The following HACD1 variants were observed in gnomAD, a reference collection of about 807,000 sequenced individuals.
HACD1 encodes 3-hydroxyacyl-CoA dehydratase 1.
In HACD1, 41 loss-of-function variants were observed where a neutral mutation model predicts 32.0. That is an observed-to-expected ratio of 1.28 (90% CI 1.00 to 1.66). The LOEUF is 1.66. Among genes scored for constraint, HACD1 ranks in the 40% most tolerant of loss-of-function variants. The pLI is 0.00. For synonymous variants in HACD1, 142 were observed against 139.0 expected (o/e 1.02, Z -0.15); for missense variants, 396 against 380.1 (o/e 1.04, Z -0.35).
intron 1 of HACD1, among the ~76,000 whole-genome samples, chr10:17,609,161 T>TG (rs1554817278): frequency 6.6e-6 from 1 of 150,552 alleles, no homozygotes; most frequent in African/African-American, 2.5e-5. Context: ...AAAGGTTTTT[T>TG]TTTTTTTTTT....
chr10:17,593,609 C>A (rs1278255425), intron 6 of HACD1, among the ~76,000 whole-genome samples: 2 of 152,228 alleles, frequency 1.3e-5, no homozygotes, highest in African/African-American at 2.4e-5. Flanking sequence ...GCCACGGAGC[C>A]CTGCCTCACT....
intron 4 of HACD1, 81 bp downstream of exon 4, chr10:17,603,479 T>C: frequency 1.5e-6 from 2 of 1,306,194 alleles, no homozygotes; most frequent in East Asian, 2.4e-5. Context: ...TCCTGAAATA[T>C]ACAAATGTTA....
intron 5 of HACD1, among the ~76,000 whole-genome samples, chr10:17,594,854 T>A (rs1833974822): frequency 6.6e-6 from 1 of 150,548 alleles, no homozygotes; most frequent in South Asian, 2.1e-4. Flanking sequence ...GGTGTTTTTT[T>A]TTTTTGTTTT....
At chr10:17,591,976 A>AAT (rs1833933560) in intron 6 of HACD1, among the ~76,000 whole-genome samples, 5 of 96,942 alleles carry the variant, frequency 5.2e-5, no homozygotes, top group African/African-American at 2.2e-4. Flanking sequence ...CCAGCTACTG[A>AAT]TTTTTTTTTT....
Position 17,594,225 on chromosome 10 carries a change from G to T in HACD1, c.764C>A (p.Thr255Asn), listed in dbSNP as rs782520907. The T allele has an allele frequency of 8.9e-6, 14 of 1,572,866 alleles. No homozygotes were observed. The Admixed American group carries it at 2.5e-4, about 28-fold the overall frequency. Residue 255 changes from threonine to asparagine, a missense_variant, in exon 6 of 7, where the codon ACC becomes AAC. Transcript: ENST00000361271. The part of the protein sequence containing the change: ...SFDYYYFLLI[T>N]MASYIPLFPQ... Reference sequence around the variant, plus strand: ...CTTACAAGGTATATATGATGCCATGGTTATAAGAAGAAAATAATAGTAGTC... The same window carrying T: ...CTTACAAGGTATATATGATGCCATGTTTATAAGAAGAAAATAATAGTAGTC...
intron 6 of HACD1, among the ~76,000 whole-genome samples, chr10:17,592,442 G>T (rs569376163): frequency 3.3e-5 from 5 of 152,210 alleles, no homozygotes; most frequent in Admixed American, 2.6e-4. Context: ...CATTAAGAAT[G>T]CAGGGGGAGG....
intron 1 of HACD1, among the ~76,000 whole-genome samples, chr10:17,608,109 C>A (rs1475834961): frequency 6.6e-6 from 1 of 152,010 alleles, no homozygotes; most frequent in Non-Finnish European, 1.5e-5. Flanking sequence ...TCCCAGGCTT[C>A]AGCAATCTTC....
chr10:17,593,435 C>A (rs1444595883), intron 6 of HACD1, among the ~76,000 whole-genome samples: 1 of 152,114 alleles, frequency 6.6e-6, no homozygotes, highest in African/African-American at 2.4e-5. Context: ...CCTGCCTCAG[C>A]CTCCTGAGTA....
At position 17,589,364 on chromosome 10, in the gene HACD1, C is replaced by T. The variant is rs934168220; in HGVS notation, c.*1000G>A. On this transcript the variant is annotated 3_prime_UTR_variant, in exon 7 of 7. Transcript: ENST00000361271. Reference sequence around the variant, plus strand: ...GTGGTACCATCATAGCTCATTGTAACCTTGAATTCCTGGGCTCAAGTGATC... The same window carrying T: ...GTGGTACCATCATAGCTCATTGTAATCTTGAATTCCTGGGCTCAAGTGATC... The T allele has an allele frequency of 2.4e-4, 36 of 152,270 alleles. No individual in the cohort carries two copies. The highest frequency in any genetic ancestry group is 8.2e-4 in the African/African-American group (34 of 41,538). 9.4% of individuals were successfully genotyped at this position (152,270 alleles called of 1,614,324 possible).
intron 1 of HACD1, among the ~76,000 whole-genome samples, chr10:17,609,364 A>G (rs1397277191): frequency 1.3e-5 from 2 of 152,044 alleles, no homozygotes; most frequent in African/African-American, 4.8e-5. Context: ...CGTGTTAGCC[A>G]GAATGGTCTC....
rs782263866 is a variant in HACD1, at chr10:17,590,431, T to C, written c.800A>G (p.Tyr267Cys). Reference protein sequence around the residue: ...ASYIPLFPQLYFHMLRQRRKV... With the variant: ...ASYIPLFPQLCFHMLRQRRKV... ...TCTTCTTTGACGTAACATATGAAAA[T>C]AGAGTTGTGGAAACACTTCATTGAA... Residue 267 changes from tyrosine to cysteine, a missense_variant, in exon 7 of 7, where the codon TAT (tyrosine) becomes TGT (cysteine). Physicochemically the swap from Tyr to Cys is radical, Grantham distance 194 (BLOSUM62 -2). Transcript: ENST00000361271. 19 of 1,593,226 alleles carry C rather than the reference T, an allele frequency of 1.2e-5. No individual in the cohort carries two copies. Among genetic ancestry groups the C allele is most frequent in the Admixed American group, 5.2e-5 (3 of 57,866 alleles).
intron 4 of HACD1, among the ~76,000 whole-genome samples, chr10:17,600,778 T>A (rs1834058607): frequency 6.6e-6 from 1 of 152,338 alleles, no homozygotes; most frequent in Non-Finnish European, 1.5e-5. Context: ...TACGTCAGAC[T>A]AAGTCCTTAG....
intron 1 of HACD1, among the ~76,000 whole-genome samples, chr10:17,609,231 T>C (rs1834193851): frequency 6.7e-6 from 1 of 149,254 alleles, no homozygotes; most frequent in Admixed American, 6.8e-5. Flanking sequence ...CTCGGCTCAC[T>C]GCAAGCTCCA....
rs1564508587 is a variant in HACD1 at position 17,604,048 on chromosome 10, C to CT, written c.258-2dup. On this transcript the variant is annotated splice_acceptor_variant, in intron 1 of 6. Transcript: ENST00000361271. LOFTEE classifies it high-confidence loss of function. ...CATGGCAATAGCTAGAACCAACCAC[C>CT]TAAAAAAAAAAAGTATTTCATAAAG... 6.5e-7 allele frequency: 1 copy of CT among 1,533,874 alleles called. No homozygotes were observed. The highest frequency in any genetic ancestry group is 2.3e-5 in the East Asian group (1 of 44,014).
chr10:17,591,976 A>AT (rs71393019), intron 6 of HACD1, among the ~76,000 whole-genome samples: 7,796 of 96,436 alleles, frequency 0.081, 876 homozygotes, highest in Non-Finnish European at 0.09. Flanking sequence ...CCAGCTACTG[A>AT]TTTTTTTTTT....
At chr10:17,606,641 A>G (rs1554817086) in intron 1 of HACD1, among the ~76,000 whole-genome samples, 3 of 152,236 alleles carry the variant, frequency 2.0e-5, no homozygotes, top group African/African-American at 7.2e-5. Context: ...ATGAAAATGC[A>G]TTCTCAAGAG....
At chr10:17,605,972 G>GA (rs1834141366) in intron 1 of HACD1, among the ~76,000 whole-genome samples, 1 of 148,716 alleles carries the variant, frequency 6.7e-6, no homozygotes, top group East Asian at 2.0e-4. Context: ...GAAAAGAAAA[G>GA]AAAAAAACAG....
At chr10:17,594,482 C>A in intron 5 of HACD1, 99 bp from the exon 6 acceptor site, 4 of 935,334 alleles carry the variant, frequency 4.3e-6, no homozygotes, top group Non-Finnish European at 5.8e-6. Flanking sequence ...CTTCAAAATT[C>A]TCTTTTCTTT....
At chr10:17,603,856 T>C (rs782018015) in intron 2 of HACD1, 74 bp downstream of exon 2, 1 of 1,467,756 alleles carries the variant, frequency 6.8e-7, no homozygotes, top group East Asian at 2.3e-5. Context: ...AGCAAAATCA[T>C]ATTGATTTTG....
Sources: allele counts gnomAD v4.1 joint callset (sites outside exome capture counted in the v4.1 genomes callset), GRCh38; gene constraint gnomAD v4.1.1; transcripts MANE v1.5; gene names NCBI Gene and HGNC (gene_info 2026-07-23, HGNC 2026-07-21).